NKAIN2: variants seen among roughly 807,000 people sequenced by gnomAD.
NKAIN2 encodes sodium/potassium-transporting ATPase subunit beta-1-interacting protein 2.
In NKAIN2, 14 loss-of-function variants were observed where a neutral mutation model predicts 32.6. That is an observed-to-expected ratio of 0.43 (90% CI 0.28 to 0.67). NKAIN2 has a LOEUF of 0.67. NKAIN2 is among the 30% of genes least tolerant of loss of function. The probability of loss-of-function intolerance (pLI) is 0.17; values close to 1 mark genes in which losing one functional copy is unlikely to be tolerated. For missense variants in NKAIN2, 198 were observed against 258.3 expected, an observed-to-expected ratio of 0.77 and a Z score of 1.60; for synonymous variants, 80 against 87.2, an observed-to-expected ratio of 0.92 and a Z score of 0.46.
At chr6:123,896,391 C>T (rs1304400271) in intron 1 of NKAIN2, among the ~76,000 whole-genome samples, 3 of 149,846 alleles carry the variant, frequency 2.0e-5, no homozygotes, top group Non-Finnish European at 4.4e-5. Context: ...CTTTATATCA[C>T]CAACCTGTTT....
intron 1 of NKAIN2, among the ~76,000 whole-genome samples, chr6:124,030,580 G>A (rs569319883): frequency 6.6e-6 from 1 of 152,292 alleles, no homozygotes; most frequent in South Asian, 2.1e-4. Flanking sequence ...AGTATTTACA[G>A]TCTTTTCTCT....
chr6:124,677,104 G>C (rs1339569198), intron 4 of NKAIN2, among the ~76,000 whole-genome samples: 1 of 152,090 alleles, frequency 6.6e-6, no homozygotes, highest in Non-Finnish European at 1.5e-5. Context: ...AAGTAGCTGG[G>C]ATTGCAGGTC....
chr6:124,450,545 T>G (rs2114619365), intron 3 of NKAIN2, among the ~76,000 whole-genome samples: 1 of 151,938 alleles, frequency 6.6e-6, no homozygotes, highest in Admixed American at 6.6e-5. Context: ...AGTTATAATT[T>G]TAACTCTCAA....
chr6:124,246,036 TC>T (rs1437252467), intron 1 of NKAIN2, among the ~76,000 whole-genome samples: 14 of 152,134 alleles, frequency 9.2e-5, no homozygotes, highest in African/African-American at 2.7e-4. Context: ...AAATGTCATT[TC>T]TTCCCAGTAT....
chr6:124,510,726 G>T (rs1778678582), intron 3 of NKAIN2, among the ~76,000 whole-genome samples: 1 of 152,070 alleles, frequency 6.6e-6, no homozygotes. Context: ...GGCTGTGCAT[G>T]ATGTTTTAAT....
chr6:124,134,515 C>T (rs1353601795), intron 1 of NKAIN2, among the ~76,000 whole-genome samples: 1 of 152,072 alleles, frequency 6.6e-6, no homozygotes, highest in Non-Finnish European at 1.5e-5. Context: ...GAAACCCTGT[C>T]TCTACTAAAA....
intron 3 of NKAIN2, among the ~76,000 whole-genome samples, chr6:124,516,783 CAA>C (rs1200602687): frequency 3.3e-5 from 5 of 152,160 alleles, no homozygotes; most frequent in African/African-American, 7.2e-5. Flanking sequence ...CTCTGCTCGT[CAA>C]AGAGTTCAAA....
chr6:124,104,973 T>C (rs1785049331), intron 1 of NKAIN2, among the ~76,000 whole-genome samples: 1 of 152,138 alleles, frequency 6.6e-6, no homozygotes, highest in Non-Finnish European at 1.5e-5. Flanking sequence ...AAGACAAGAC[T>C]TCTGTCAATG....
At chr6:124,478,275 C>A (rs2114692862) in intron 3 of NKAIN2, among the ~76,000 whole-genome samples, 1 of 152,246 alleles carries the variant, frequency 6.6e-6, no homozygotes, top group Non-Finnish European at 1.5e-5. Flanking sequence ...GGTCAGAAAA[C>A]AATGCTGTTT....
chr6:124,770,475 C>G (rs1032469424), intron 4 of NKAIN2, among the ~76,000 whole-genome samples: 2 of 152,132 alleles, frequency 1.3e-5, no homozygotes, highest in Non-Finnish European at 2.9e-5. Context: ...TTCCATTTCC[C>G]CAGAGAATTG....
At chr6:124,512,979 G>GA (rs1023911355) in intron 3 of NKAIN2, among the ~76,000 whole-genome samples, 3 of 151,146 alleles carry the variant, frequency 2.0e-5, no homozygotes, top group South Asian at 2.1e-4. Context: ...TGAGGCTGTT[G>GA]AAAAAAAAAT....
intron 2 of NKAIN2, among the ~76,000 whole-genome samples, chr6:124,329,724 C>T (rs2626128): frequency 0.43 from 65,822 of 152,016 alleles, 14,398 homozygotes; most frequent in Non-Finnish European, 0.48. Flanking sequence ...ACCTCATCTG[C>T]ATCTTCAAAA....
At chr6:124,336,151 G>A (rs1022442853) in intron 2 of NKAIN2, among the ~76,000 whole-genome samples, 2 of 152,224 alleles carry the variant, frequency 1.3e-5, no homozygotes, top group African/African-American at 2.4e-5. Context: ...TATATAGGTT[G>A]TAGTGGCAGA....
At chr6:124,161,411 A>G (rs1582765037) in intron 1 of NKAIN2, among the ~76,000 whole-genome samples, 1 of 152,148 alleles carries the variant, frequency 6.6e-6, no homozygotes, top group Non-Finnish European at 1.5e-5. Flanking sequence ...TTAAAATTTG[A>G]CATGAGATTT....
At chr6:124,184,141 A>G (rs969412809) in intron 1 of NKAIN2, among the ~76,000 whole-genome samples, 1 of 152,150 alleles carries the variant, frequency 6.6e-6, no homozygotes, top group African/African-American at 2.4e-5. Context: ...TTTAAAAGGA[A>G]TCTAACTTAT....
At chr6:124,562,180 G>A (rs9398760) in intron 3 of NKAIN2, among the ~76,000 whole-genome samples, 73,440 of 151,934 alleles carry the variant, frequency 0.48, 20,898 homozygotes, top group East Asian at 0.67. Context: ...TAATACTGTG[G>A]AATAAATGCT....
intron 1 of NKAIN2, among the ~76,000 whole-genome samples, chr6:124,091,300 G>T (rs1483655822): frequency 6.6e-6 from 1 of 151,880 alleles, no homozygotes. Context: ...AAAACACTAT[G>T]TCAGAACTGG....
intron 1 of NKAIN2, among the ~76,000 whole-genome samples, chr6:124,218,275 G>T (rs1017751439): frequency 7.2e-5 from 11 of 152,094 alleles, no homozygotes; most frequent in Non-Finnish European, 1.5e-4. Context: ...TTTGGCGCGT[G>T]CGTGGAGTAT....
At position 124,323,777 on chromosome 6, in the gene NKAIN2, A is replaced by ATTTTC. The variant is rs1237658485; in HGVS notation, c.193-31486_193-31485insCTTTT. ...TGATTTAGCTGTTTCAATTCTTTTAATTTTTTCTTTTTTTTTTTTTTTTTT... is the reference window on the plus strand; with the variant it reads ...TGATTTAGCTGTTTCAATTCTTTTAATTTTCTTTTTTCTTTTTTTTTTTTTTTTTT... On this transcript the variant is annotated intron_variant, in intron 2 of 6. Transcript: ENST00000368417. Among the ~76,000 whole-genome samples the ATTTTC allele has an allele frequency of 1.7e-3, 195 of 115,512 alleles. 4 individuals are homozygous for ATTTTC. Among genetic ancestry groups the ATTTTC allele is most frequent in the South Asian group, 0.013 (43 of 3,378 alleles). The allele number at this position is 115,512 out of a possible 152,430, so 75.8% of individuals were successfully genotyped here. A position where few individuals can be genotyped will look rare whatever the true frequency, so the allele number is the denominator to read the frequency against.
Sources: allele counts gnomAD v4.1 joint callset (sites outside exome capture counted in the v4.1 genomes callset), GRCh38; gene constraint gnomAD v4.1.1; transcripts MANE v1.5; gene names NCBI Gene and HGNC (gene_info 2026-07-23, HGNC 2026-07-21).